Variants in SYNRG observed in about 807,000 individuals in gnomAD.
SYNRG encodes AP1 gamma subunit binding protein 1.
Under a neutral mutation model 130.9 loss-of-function variants are expected in SYNRG, and 37 were observed. That is an observed-to-expected ratio of 0.28 (90% CI 0.22 to 0.37). The LOEUF (loss-of-function observed/expected upper bound fraction) is 0.37, where lower values mean the gene tolerates loss of function less well. SYNRG is among the 10% of genes least tolerant of loss of function. The probability of loss-of-function intolerance (pLI) is 1.00; values close to 1 mark genes in which losing one functional copy is unlikely to be tolerated. For synonymous variants in SYNRG, 539 were observed against 568.1 expected (o/e 0.95, Z 0.73); for missense variants, 1,338 against 1,588.9 (o/e 0.84, Z 2.68).
intron 8 of SYNRG, among the ~76,000 whole-genome samples, chr17:37,574,155 T>C (rs1226045373): frequency 1.3e-5 from 2 of 152,156 alleles, no homozygotes; most frequent in South Asian, 2.1e-4. Flanking sequence ...AGAACATACA[T>C]TGGGGAGGGT....
chr17:37,581,476 C>T (rs1218803672), intron 6 of SYNRG, among the ~76,000 whole-genome samples: 1 of 152,024 alleles, frequency 6.6e-6, no homozygotes, highest in Admixed American at 6.6e-5. Context: ...TGGGGTTTCA[C>T]CATGTTGGCC....
chr17:37,601,166 C>T (rs974715732), intron 1 of SYNRG, among the ~76,000 whole-genome samples: 11 of 152,100 alleles, frequency 7.2e-5, no homozygotes, highest in Admixed American at 2.0e-4. Context: ...CTCCTGTGTT[C>T]AAGCAATTCT....
chr17:37,520,487 AG>A, intron 20 of SYNRG, 50 bp downstream of exon 20: 1 of 1,545,526 alleles, frequency 6.5e-7, no homozygotes, highest in South Asian at 1.1e-5. Context: ...GGTTGTCCAG[AG>A]TCATGTTAGG....
At chr17:37,539,146 C>T in intron 17 of SYNRG, 46 bp downstream of exon 17, 1 of 1,606,492 alleles carries the variant, frequency 6.2e-7, no homozygotes. Flanking sequence ...CAAAAAGGCA[C>T]AAAAGAGCAC....
In SYNRG at chr17:37,600,569, C is replaced by T. The variant is rs140042333; in HGVS notation, c.78-166G>A. On this transcript the variant is annotated intron_variant, in intron 1 of 21. Transcript: ENST00000612223. ...CAGTACACTGAGCATCCATAGGATG[C>T]ATGTCAGCATGCTACTGCAGACGGA... is the stretch of plus-strand genomic sequence containing the variant. 638 of 744,868 alleles carry T rather than the reference C, an allele frequency of 8.6e-4. 2 individuals carry two copies. The highest frequency in any genetic ancestry group is 8.3e-3 in the African/African-American group (480 of 57,630). 46.1% of individuals were successfully genotyped at this position (744,868 alleles called of 1,614,324 possible).
chr17:37,531,140 G>C (rs1416885830), intron 19 of SYNRG, among the ~76,000 whole-genome samples: 1 of 152,154 alleles, frequency 6.6e-6, no homozygotes, highest in African/African-American at 2.4e-5. Context: ...GGTTGAGATG[G>C]AAGGATCACT....
chr17:37,568,668 A>G (rs1434514350), intron 11 of SYNRG, 123 bp downstream of exon 11: 1 of 1,063,172 alleles, frequency 9.4e-7, no homozygotes, highest in Non-Finnish European at 1.3e-6. Context: ...AGAGGGAATA[A>G]ACACAGAAAG....
In SYNRG at chr17:37,579,989, CCT is replaced by C. The variant is rs543186486; in HGVS notation, c.590-2378_590-2377del. 5.9e-5 allele frequency among the ~76,000 whole-genome samples: 9 copies of C among 151,968 alleles called. No individual in the cohort carries two copies. The South Asian group carries it at 8.3e-4, about 14-fold the overall frequency. On this transcript the variant is annotated intron_variant, in intron 6 of 21. Coordinates refer to ENST00000612223, the MANE Select transcript of SYNRG (RefSeq NM_007247.6). ...CTTTTATTAGATTAATAATTTTTCCCCTGAGACCATTAATGATTTACATCAAA... is the reference window on the plus strand; with the variant it reads ...CTTTTATTAGATTAATAATTTTTCCCGAGACCATTAATGATTTACATCAAA...
At chr17:37,548,967 C>T (rs1028090627) in intron 14 of SYNRG, among the ~76,000 whole-genome samples, 4 of 151,580 alleles carry the variant, frequency 2.6e-5, no homozygotes, top group Admixed American at 1.3e-4. Context: ...AAACCCCCAT[C>T]TCTATTAAAA....
intron 1 of SYNRG, among the ~76,000 whole-genome samples, chr17:37,607,955 CAAAAAAAAAA>C (rs67822733): frequency 2.0e-5 from 1 of 51,122 alleles, no homozygotes; most frequent in Admixed American, 2.9e-4. Flanking sequence ...GACTTCCTCT[CAAAAAAAAAA>C]AAAAAAAAAA....
At position 37,577,560 on chromosome 17, in the gene SYNRG, GC is replaced by G; in HGVS notation, c.642del (p.Gln215ArgfsTer6). On this transcript the variant is annotated frameshift_variant, in exon 7 of 22. Transcript: ENST00000612223. LOFTEE classifies it high-confidence loss of function. ...GAAGTATTTAATTTAATTTGTTCCTGCCCAGATGTACTTATATCACAAGATA... is the reference window on the plus strand; with the variant it reads ...GAAGTATTTAATTTAATTTGTTCCTGCCAGATGTACTTATATCACAAGATA... ...FLVSCDISTS[G>X]QEQIKLNTSE... 1 of 1,614,064 alleles carries G rather than the reference GC, an allele frequency of 6.2e-7. No homozygotes were observed. The highest frequency in any genetic ancestry group is 8.5e-7 in the Non-Finnish European group (1 of 1,180,014).
intron 3 of SYNRG, 150 bp from the exon 4 acceptor site, chr17:37,586,699 T>TA: frequency 1.0e-6 from 1 of 955,996 alleles, no homozygotes; most frequent in Non-Finnish European, 1.5e-6. Context: ...TGCAAATAAA[T>TA]AAAAGATGCA....
intron 19 of SYNRG, among the ~76,000 whole-genome samples, chr17:37,527,054 GAT>G (rs1474588949): frequency 6.6e-6 from 1 of 152,090 alleles, no homozygotes; most frequent in African/African-American, 2.4e-5. Flanking sequence ...CTGTTCTCCT[GAT>G]ATGTCACAGC....
At chr17:37,596,183 A>C (rs944969488) in intron 3 of SYNRG, 40 bp downstream of exon 3, 1 of 1,606,752 alleles carries the variant, frequency 6.2e-7, no homozygotes, top group Admixed American at 1.7e-5. Context: ...CGTAACAACA[A>C]ACAATAACTT....
Position 37,542,352 on chromosome 17 carries a change from A to C in SYNRG, c.2822T>G (p.Met941Arg), listed in dbSNP as rs554455542. ...GGTCGTTACTTTGGAGAGAGATGTC[A>C]TGGTGATGTTTTCAGAACTGCCAAA... ...TSFGSSENIT[M>R]TSLSKVTTFV... Residue 941 changes from methionine to arginine, a missense_variant, in exon 15 of 22, where the codon ATG becomes AGG. Transcript: ENST00000612223. 6.2e-6 allele frequency: 10 copies of C among 1,614,212 alleles called. No homozygotes were observed. In the South Asian group the frequency reaches 1.1e-4, roughly 18 times the overall value.
chr17:37,543,668 G>A (rs937223580), intron 14 of SYNRG, among the ~76,000 whole-genome samples: 4 of 152,212 alleles, frequency 2.6e-5, no homozygotes, highest in African/African-American at 9.6e-5. Flanking sequence ...TGTCTGCTCA[G>A]CATAGGTGCC....
In SYNRG at chr17:37,584,777, T is replaced by C. The variant is rs1262422963; in HGVS notation, c.478-18A>G. On this transcript the variant is annotated intron_variant, in intron 5 of 21. Coordinates refer to ENST00000612223, the MANE Select transcript of SYNRG (RefSeq NM_007247.6). ...TCTCCTGTCTAAGAGACAACAAATA[T>C]ATGCGTATTTCTTTACTTATCCCTC... is the stretch of plus-strand genomic sequence containing the variant. The C allele has an allele frequency of 3.8e-6, 6 of 1,572,854 alleles. No homozygotes were observed. In the East Asian group the frequency reaches 6.8e-5, roughly 18 times the overall value.
chr17:37,540,294 C>T, intron 16 of SYNRG, 86 bp downstream of exon 16: 1 of 1,484,318 alleles, frequency 6.7e-7, no homozygotes, highest in Non-Finnish European at 9.2e-7. Context: ...TCATTTTCCC[C>T]ATGTGAAAGC....
At chr17:37,568,984 A>C in intron 10 of SYNRG, 60 bp from the exon 11 acceptor site, 1 of 1,546,572 alleles carries the variant, frequency 6.5e-7, no homozygotes, top group East Asian at 2.3e-5. Context: ...ATACACAACA[A>C]ATCAAAAGTC....
Sources: gnomAD v4.1 joint callset for allele counts (sites outside exome capture counted in the v4.1 genomes callset) on GRCh38, gnomAD v4.1.1 for gene constraint, MANE v1.5 for transcripts, NCBI Gene and HGNC (gene_info 2026-07-23, HGNC 2026-07-21) for gene names.